Variants in CDC25C observed in about 807,000 individuals in gnomAD.
CDC25C encodes cell division cycle 25C.
In CDC25C, 48 loss-of-function variants were observed where a neutral mutation model predicts 52.5. That is an observed-to-expected ratio of 0.91 (90% confidence interval 0.72 to 1.16). The LOEUF (loss-of-function observed/expected upper bound fraction) is 1.16. CDC25C is among the 50% of genes most tolerant of loss of function. The pLI, the probability that CDC25C is intolerant of heterozygous loss-of-function variation, is 0.00. For missense variants in CDC25C, 510 were observed against 566.1 expected (o/e 0.90, Z 1.01); for synonymous variants, 187 against 206.5 (o/e 0.91, Z 0.81).
upstream of CDC25C, among the ~76,000 whole-genome samples, chr5:138,336,212 A>C (rs1760694447): frequency 6.6e-6 from 1 of 151,286 alleles, no homozygotes; most frequent in African/African-American, 2.4e-5. Context: ...GGCTCACTGC[A>C]ATCTCTGCCT....
chr5:138,331,874 A>G (rs918982768), upstream of CDC25C: 1 of 985,724 alleles, frequency 1.0e-6, no homozygotes, highest in Non-Finnish European at 1.2e-6. Flanking sequence ...CTCGCCTCTA[A>G]GCTGCGTCAG....
intron 7 of CDC25C, among the ~76,000 whole-genome samples, chr5:138,298,704 C>A (rs906195248): frequency 4.0e-5 from 6 of 151,190 alleles, no homozygotes; most frequent in Non-Finnish European, 7.4e-5. Context: ...GAGCTTAGGT[C>A]GTGCCACTGC....
At chr5:138,334,046 G>A (rs1300540073), upstream of CDC25C, among the ~76,000 whole-genome samples, 4 of 151,800 alleles carry the variant, frequency 2.6e-5, no homozygotes, top group East Asian at 7.7e-4. Flanking sequence ...TTATTCTCCT[G>A]CCTCAGCCTC....
At position 138,302,903 on chromosome 5, in the gene CDC25C, A is replaced by G. The variant is rs569740926; in HGVS notation, c.616-10787T>C. Among the ~76,000 whole-genome samples, 212 of 135,022 alleles carry G rather than the reference A, an allele frequency of 1.6e-3. 3 individuals carry two copies. Among genetic ancestry groups the G allele is most frequent in the Middle Eastern group, 0.015 (4 of 264 alleles). 88.6% of individuals were successfully genotyped at this position (135,022 alleles called of 152,430 possible). A position where few individuals can be genotyped will look rare whatever the true frequency, so the allele number is the denominator to read the frequency against. The stretch of plus-strand genomic sequence containing the variant: ...GGTGAGATCCCCATCTCTATAGGGG[A>G]AAAAAAAAAAAAAGAACTAGCCAGG... On this transcript the variant is annotated intron_variant, in intron 7 of 13. Transcript: ENST00000323760.
At chr5:138,316,150 G>A (rs1234559839) in intron 7 of CDC25C, among the ~76,000 whole-genome samples, 1 of 152,208 alleles carries the variant, frequency 6.6e-6, no homozygotes, top group Non-Finnish European at 1.5e-5. Flanking sequence ...CCTCCCAGGT[G>A]CAGGACCTAA....
chr5:138,322,466 ATTTT>A (rs71585117), intron 6 of CDC25C, among the ~76,000 whole-genome samples: 7 of 67,954 alleles, frequency 1.0e-4, no homozygotes, highest in Admixed American at 9.9e-4. Context: ...CGCCCGGCTA[ATTTT>A]TTTTTTTTTT....
At chr5:138,302,502 C>A (rs1757703608) in intron 7 of CDC25C, among the ~76,000 whole-genome samples, 1 of 150,862 alleles carries the variant, frequency 6.6e-6, no homozygotes, top group South Asian at 2.1e-4. Context: ...GAGTTTGAGA[C>A]CAGACTAACC....
At chr5:138,289,697 A>G in intron 9 of CDC25C, 134 bp from the exon 10 acceptor site, 3 of 659,876 alleles carry the variant, frequency 4.5e-6, no homozygotes, top group Middle Eastern at 2.5e-4. Flanking sequence ...GTGTCTCTAT[A>G]AAGTGCATAT....
At chr5:138,306,777 ATT>A (rs895258049) in intron 7 of CDC25C, among the ~76,000 whole-genome samples, 1 of 134,772 alleles carries the variant, frequency 7.4e-6, no homozygotes, top group Non-Finnish European at 1.6e-5. Flanking sequence ...TGCCTGGCCT[ATT>A]TTTTTTTTTT....
intron 7 of CDC25C, among the ~76,000 whole-genome samples, chr5:138,302,416 T>C (rs1001459142): frequency 1.3e-5 from 2 of 151,746 alleles, no homozygotes. Context: ...TTCAAAAACG[T>C]AGGCCAGGCA....
At chr5:138,299,642 G>A (rs1445169393) in intron 7 of CDC25C, among the ~76,000 whole-genome samples, 1 of 151,514 alleles carries the variant, frequency 6.6e-6, no homozygotes, top group Non-Finnish European at 1.5e-5. Context: ...AAAGCTTATG[G>A]GATACAGCTA....
intron 2 of CDC25C, among the ~76,000 whole-genome samples, chr5:138,329,982 C>T (rs1180325906): frequency 6.6e-6 from 1 of 152,022 alleles, no homozygotes. Context: ...CCACCCACCT[C>T]GGCCTTCCAA....
At chr5:138,320,846 A>C (rs933228598) in intron 6 of CDC25C, among the ~76,000 whole-genome samples, 3 of 143,892 alleles carry the variant, frequency 2.1e-5, no homozygotes, top group African/African-American at 7.7e-5. Flanking sequence ...AACCTGGGAG[A>C]TAAAGGTTGC....
chr5:138,331,252 A>C, intron 1 of CDC25C, 34 bp from the exon 2 acceptor site: 1 of 1,408,630 alleles, frequency 7.1e-7, no homozygotes. Flanking sequence ...TCGGTACATC[A>C]CAGTTCCCTC....
chr5:138,286,626 G>C lies in CDC25C; in HGVS notation c.1031C>G (p.Ala344Gly), dbSNP rs761374740. ...TTCTTCCTGACTATATAAGTTTAAG[G>C]CTCCCTGTAGAAGAAGAATTTTAGT... ...YEYLGGHIQG[A>G]LNLYSQEELF... Residue 344 changes from alanine (A) to glycine (G), a missense_variant, in exon 12 of 14, where the codon GCC becomes GGC. Transcript: ENST00000323760. 4.3e-6 allele frequency: 7 copies of C among 1,609,508 alleles called. No individual in the cohort carries two copies. Among genetic ancestry groups the C allele is most frequent in the South Asian group, 2.2e-5 (2 of 90,468 alleles).
At chr5:138,302,782 G>T (rs1757730275) in intron 7 of CDC25C, among the ~76,000 whole-genome samples, 1 of 148,510 alleles carries the variant, frequency 6.7e-6, no homozygotes, top group African/African-American at 2.5e-5. Context: ...GAAAAGGGCT[G>T]GGTAGGGTAA....
At chr5:138,294,024 A>ATTTT (rs36022580) in intron 7 of CDC25C, among the ~76,000 whole-genome samples, 3 of 125,974 alleles carry the variant, frequency 2.4e-5, no homozygotes, top group Non-Finnish European at 1.6e-5. Context: ...TTTTCTTTGG[A>ATTTT]TTTTTTTTTT....
At chr5:138,321,241 T>C (rs999105997) in intron 6 of CDC25C, among the ~76,000 whole-genome samples, 4 of 152,126 alleles carry the variant, frequency 2.6e-5, no homozygotes, top group Non-Finnish European at 5.9e-5. Flanking sequence ...ACAGCTTCTG[T>C]TTTGAATAAT....
intron 7 of CDC25C, among the ~76,000 whole-genome samples, chr5:138,297,567 C>T (rs1757309332): frequency 2.0e-5 from 3 of 152,112 alleles, no homozygotes; most frequent in Admixed American, 2.0e-4. Context: ...ATTTCTTCTA[C>T]CTGTGAATTT....
Sources: gnomAD v4.1 joint callset for allele counts (sites outside exome capture counted in the v4.1 genomes callset) on GRCh38, gnomAD v4.1.1 for gene constraint, MANE v1.5 for transcripts, NCBI Gene and HGNC (gene_info 2026-07-23, HGNC 2026-07-21) for gene names.